Variants in ANO6 observed in about 807,000 individuals in gnomAD.
The protein encoded by ANO6 is anoctamin-6.
A neutral mutation model predicts 117.5 loss-of-function variants in ANO6; 106 were observed. The observed-to-expected ratio is 0.90, with a 90% CI of 0.77 to 1.06. The LOEUF (loss-of-function observed/expected upper bound fraction) is 1.06. ANO6 is among the 50% of genes least tolerant of loss of function. The pLI, the probability that ANO6 is intolerant of heterozygous loss-of-function variation, is 0.00. For missense variants in ANO6, 955 were observed against 1,121.1 expected, an observed-to-expected ratio of 0.85 and a Z score of 2.12; for synonymous variants, 367 against 385.1, an observed-to-expected ratio of 0.95 and a Z score of 0.55.
At chr12:45,238,370 C>G (rs183006804) in intron 1 of ANO6, among the ~76,000 whole-genome samples, 4 of 151,926 alleles carry the variant, frequency 2.6e-5, no homozygotes, top group Middle Eastern at 3.2e-3. Flanking sequence ...AGGCTGGTCT[C>G]GAACTCCCAA....
chr12:45,320,567 G>T (rs1410537130), intron 2 of ANO6, among the ~76,000 whole-genome samples: 1 of 152,104 alleles, frequency 6.6e-6, no homozygotes, highest in Non-Finnish European at 1.5e-5. Context: ...AATAGGTGCG[G>T]TGTGGTGCTG....
intron 2 of ANO6, among the ~76,000 whole-genome samples, chr12:45,303,275 A>G (rs1322098671): frequency 6.6e-6 from 1 of 152,252 alleles, no homozygotes; most frequent in Non-Finnish European, 1.5e-5. Flanking sequence ...GAAATTGTGC[A>G]TGCCCACCAA....
chr12:45,231,065 C>G (rs1393226730), intron 1 of ANO6, among the ~76,000 whole-genome samples: 1 of 152,132 alleles, frequency 6.6e-6, no homozygotes, highest in East Asian at 1.9e-4. Flanking sequence ...CAATATCACA[C>G]CACTGCGCTC....
intron 12 of ANO6, among the ~76,000 whole-genome samples, chr12:45,391,535 T>G (rs1334986002): frequency 6.6e-6 from 1 of 152,140 alleles, no homozygotes; most frequent in African/African-American, 2.4e-5. Flanking sequence ...AAAGTCTTAC[T>G]TTAAACCATA....
At chr12:45,234,156 T>G (rs923724021) in intron 1 of ANO6, among the ~76,000 whole-genome samples, 1 of 152,238 alleles carries the variant, frequency 6.6e-6, no homozygotes, top group African/African-American at 2.4e-5. Context: ...TTAGCAAATG[T>G]GTTCTTAAGT....
chr12:45,255,297 G>A (rs770387642), intron 1 of ANO6, among the ~76,000 whole-genome samples: 1 of 152,086 alleles, frequency 6.6e-6, no homozygotes, highest in Non-Finnish European at 1.5e-5. Flanking sequence ...ATAAAAGCAG[G>A]AATGTCATCT....
chr12:45,324,665 A>G (rs1940401345), intron 2 of ANO6, among the ~76,000 whole-genome samples: 1 of 152,222 alleles, frequency 6.6e-6, no homozygotes. Context: ...AAATTGTACC[A>G]GGAAAAACCC....
chr12:45,379,523 C>T (rs763057629), intron 10 of ANO6, among the ~76,000 whole-genome samples: 5 of 152,264 alleles, frequency 3.3e-5, no homozygotes, highest in East Asian at 1.9e-4. Flanking sequence ...CACCTTTCTC[C>T]GCCCTCCCCT....
At chr12:45,332,166 G>A (rs548455281) in intron 3 of ANO6, among the ~76,000 whole-genome samples, 1 of 151,966 alleles carries the variant, frequency 6.6e-6, no homozygotes, top group Non-Finnish European at 1.5e-5. Context: ...TACCTAAACT[G>A]CATTAAACTA....
chr12:45,329,422 A>G (rs7967892), intron 2 of ANO6, among the ~76,000 whole-genome samples: 65,707 of 151,918 alleles, frequency 0.43, 14,471 homozygotes, highest in South Asian at 0.58. Context: ...TTGCCAAGTC[A>G]GTGAGGTTTT....
intron 1 of ANO6, among the ~76,000 whole-genome samples, chr12:45,281,070 A>ATG (rs140403401): frequency 6.6e-6 from 1 of 151,930 alleles, no homozygotes; most frequent in East Asian, 1.9e-4. Flanking sequence ...GTATGTGTAT[A>ATG]TGTGTGTGTG....
At chr12:45,327,570 A>G (rs1592971587) in intron 2 of ANO6, among the ~76,000 whole-genome samples, 1 of 152,182 alleles carries the variant, frequency 6.6e-6, no homozygotes, top group African/African-American at 2.4e-5. Flanking sequence ...TATTGCAGCT[A>G]TTACACATGT....
intron 19 of ANO6, among the ~76,000 whole-genome samples, chr12:45,426,887 A>G (rs1468345170): frequency 1.3e-5 from 2 of 151,708 alleles, no homozygotes; most frequent in Admixed American, 6.6e-5. Context: ...CTGTTTGCAG[A>G]GCACCCCTCT....
chr12:45,401,516 T>C (rs1565752808), intron 12 of ANO6, among the ~76,000 whole-genome samples: 1 of 152,306 alleles, frequency 6.6e-6, no homozygotes, highest in East Asian at 1.9e-4. Context: ...ACAGAAAAAT[T>C]GCACATAAAA....
At chr12:45,294,178 C>T (rs989826554) in intron 1 of ANO6, among the ~76,000 whole-genome samples, 1 of 152,154 alleles carries the variant, frequency 6.6e-6, no homozygotes, top group African/African-American at 2.4e-5. Context: ...AGAGAAAGGT[C>T]AAGAATGGCT....
chr12:45,400,240 C>T (rs183103668), intron 12 of ANO6, among the ~76,000 whole-genome samples: 1 of 152,204 alleles, frequency 6.6e-6, no homozygotes, highest in East Asian at 1.9e-4. Context: ...GAACAGAGAG[C>T]ACTTAAAGAA....
chr12:45,217,932 A>G (rs1245992733), intron 1 of ANO6, among the ~76,000 whole-genome samples: 3 of 152,220 alleles, frequency 2.0e-5, no homozygotes, highest in Admixed American at 6.5e-5. Context: ...GAAGTAAGCA[A>G]GAGGCTCTGA....
intron 3 of ANO6, among the ~76,000 whole-genome samples, chr12:45,337,039 A>G (rs1270811787): frequency 6.6e-6 from 1 of 152,106 alleles, no homozygotes; most frequent in East Asian, 1.9e-4. Context: ...TTAAAAATTA[A>G]AGATAGAAAA....
At chr12:45,427,303 C>T (rs916085671) in intron 19 of ANO6, among the ~76,000 whole-genome samples, 1 of 152,108 alleles carries the variant, frequency 6.6e-6, no homozygotes, top group African/African-American at 2.4e-5. Context: ...CACACAAGGC[C>T]TCATGGATCC....
Sources: allele counts gnomAD v4.1 joint callset (sites outside exome capture counted in the v4.1 genomes callset), GRCh38; gene constraint gnomAD v4.1.1; transcripts MANE v1.5; gene names NCBI Gene and HGNC (gene_info 2026-07-23, HGNC 2026-07-21).